The following FAXC variants were observed in gnomAD, a reference collection of about 807,000 sequenced individuals.
FAXC encodes the protein failed axon connections homolog, metaxin like GST domain containing.
FAXC carries 10 observed loss-of-function variants against 41.9 expected under a neutral mutation model. The observed-to-expected ratio is 0.24, with a 90% CI of 0.15 to 0.41. The LOEUF (loss-of-function observed/expected upper bound fraction) is 0.41. Among genes scored for constraint, FAXC ranks in the 10% least tolerant of loss-of-function variants. The pLI is 1.00. For synonymous variants in FAXC, 183 were observed against 183.8 expected (o/e 1.00, Z 0.03); for missense variants, 399 against 510.9 (o/e 0.78, Z 2.11).
At chr6:99,318,614 T>C (rs1241286983) in intron 4 of FAXC, among the ~76,000 whole-genome samples, 1 of 152,242 alleles carries the variant, frequency 6.6e-6, no homozygotes, top group Non-Finnish European at 1.5e-5. Flanking sequence ...AATGAAGTTG[T>C]GTTACATACA....
intron 2 of FAXC, among the ~76,000 whole-genome samples, chr6:99,341,156 CA>C (rs1773414148): frequency 6.6e-6 from 1 of 151,348 alleles, no homozygotes; most frequent in Non-Finnish European, 1.5e-5. Context: ...AGAGTAACTA[CA>C]ATAACAACAA....
chr6:99,279,464 T>G lies in FAXC; in HGVS notation c.*1700A>C, dbSNP rs1381482156. Reference sequence around the variant, plus strand: ...TGCAAATGCTATATTCAAAAAGAGGTTTTTTTTTTTTCAAGTAAAGTGCAT... The same window carrying G: ...TGCAAATGCTATATTCAAAAAGAGGGTTTTTTTTTTTCAAGTAAAGTGCAT... On this transcript the variant is annotated 3_prime_UTR_variant, in exon 6 of 6. Transcript: ENST00000389677. The G allele has an allele frequency of 2.7e-5, 2 of 75,436 alleles. No individual in the cohort carries two copies. The highest frequency in any genetic ancestry group is 4.2e-3 in the East Asian group (1 of 236). The allele number at this position is 75,436 out of a possible 1,614,324, so 4.7% of individuals were successfully genotyped here. A position where few individuals can be genotyped will look rare whatever the true frequency, so the allele number is the denominator to read the frequency against.
intron 5 of FAXC, among the ~76,000 whole-genome samples, chr6:99,285,724 A>T (rs1315147008): frequency 6.6e-6 from 1 of 152,248 alleles, no homozygotes; most frequent in Admixed American, 6.5e-5. Context: ...ACTTGAGAGG[A>T]TATTTATCAG....
chr6:99,325,706 C>G (rs938255359), intron 3 of FAXC, among the ~76,000 whole-genome samples: 30 of 152,152 alleles, frequency 2.0e-4, no homozygotes, highest in African/African-American at 6.5e-4. Flanking sequence ...CACTTTGACT[C>G]TAATTGTATT....
intron 4 of FAXC, among the ~76,000 whole-genome samples, chr6:99,294,801 G>A (rs1049337054): frequency 6.6e-6 from 1 of 152,046 alleles, no homozygotes; most frequent in African/African-American, 2.4e-5. Flanking sequence ...AGAACACACA[G>A]GACTTTGACA....
chr6:99,294,108 G>C (rs1183663878), intron 4 of FAXC, among the ~76,000 whole-genome samples: 1 of 152,112 alleles, frequency 6.6e-6, no homozygotes, highest in African/African-American at 2.4e-5. Context: ...TTCTGGCAAG[G>C]ACAATCAAGT....
intron 4 of FAXC, among the ~76,000 whole-genome samples, chr6:99,315,168 G>GACT (rs1772294148): frequency 7.0e-6 from 1 of 142,056 alleles, no homozygotes; most frequent in African/African-American, 2.6e-5. Flanking sequence ...GGGAGGCGGA[G>GACT]ACTACAGTGA....
intron 4 of FAXC, among the ~76,000 whole-genome samples, chr6:99,306,596 C>A (rs952469571): frequency 6.6e-6 from 1 of 152,006 alleles, no homozygotes; most frequent in Non-Finnish European, 1.5e-5. Context: ...AGGGTGGGGG[C>A]TGGAATCCTG....
In FAXC at chr6:99,278,896, T is replaced by A. The variant is rs1229179230; in HGVS notation, c.*2268A>T. The A allele has an allele frequency of 6.6e-6, 1 of 152,230 alleles. No homozygotes were observed. The highest frequency in any genetic ancestry group is 2.4e-5 in the African/African-American group (1 of 41,464). The allele number at this position is 152,230 out of a possible 1,614,324, so 9.4% of individuals were successfully genotyped here. On this transcript the variant is annotated 3_prime_UTR_variant, in exon 6 of 6. Coordinates refer to ENST00000389677, the MANE Select transcript of FAXC (RefSeq NM_032511.4). ...AATTAAAAACATATATTAATCTACA[T>A]TCTCATAACTTAATCATCCTTTGAG...
At chr6:99,332,013 A>AT (rs1231222499) in intron 3 of FAXC, among the ~76,000 whole-genome samples, 1 of 152,112 alleles carries the variant, frequency 6.6e-6, no homozygotes, top group Non-Finnish European at 1.5e-5. Context: ...ACTGAGTCTG[A>AT]TTACTTCCAC....
intron 2 of FAXC, among the ~76,000 whole-genome samples, chr6:99,338,785 A>G (rs1773310385): frequency 6.6e-6 from 1 of 152,214 alleles, no homozygotes; most frequent in Admixed American, 6.5e-5. Flanking sequence ...TAGATGCTGC[A>G]GACCTTGTTT....
At position 99,284,171 on chromosome 6, in the gene FAXC, G is replaced by A. The variant is rs182311657; in HGVS notation, c.941-2718C>T. On this transcript the variant is annotated intron_variant, in intron 5 of 5. Transcript: ENST00000389677. ...CACCTCCACTCAACTCTCTACTGAT[G>A]AGCTGACAGCATGGCCTGGGAATTA... 2.6e-5 allele frequency: 4 copies of A among 152,286 alleles called. No homozygotes were observed. In the East Asian group the frequency reaches 7.7e-4, roughly 29 times the overall value. The allele number at this position is 152,286 out of a possible 1,614,324, so 9.4% of individuals were successfully genotyped here. A position where few individuals can be genotyped will look rare whatever the true frequency, so the allele number is the denominator to read the frequency against.
rs753915818 is a variant in FAXC, at chr6:99,291,719, C to T, written c.925G>A (p.Glu309Lys). Residue 309 changes from glutamate (E) to lysine (K), a missense_variant, in exon 5 of 6, where the codon GAA becomes AAA. This residue lies in a region of FAXC where 239 missense variants were observed against 352.7 expected (regional missense o/e 0.68). Coordinates refer to ENST00000389677, the MANE Select transcript of FAXC (RefSeq NM_032511.4). ...TAGGGCTTGCCTTTGATCAGCCGTTCGGGTCTTGTCCCTGGTAAGGTCCAC... is the reference window on the plus strand; with the variant it reads ...TAGGGCTTGCCTTTGATCAGCCGTTTGGGTCTTGTCCCTGGTAAGGTCCAC... ...AMWTLPGTRP[E>K]RLIKGELINL... is the part of the protein sequence containing the mutation. 2 of 1,613,358 alleles carry T rather than the reference C, an allele frequency of 1.2e-6. No homozygotes were observed. Among genetic ancestry groups the T allele is most frequent in the Non-Finnish European group, 1.7e-6 (2 of 1,179,482 alleles).
chr6:99,291,813 C>A lies in FAXC; in HGVS notation c.831G>T (p.Lys277Asn), dbSNP rs1349000782. Reference protein sequence around the residue: ...MRSLAGLLGDKKYIMGPKLST... With the variant: ...MRSLAGLLGDNKYIMGPKLST... ...AAAGCTTGGGCCCCATGATGTACTT[C>A]TTATCACCTGCAGTAAATAAAGCAG... Residue 277 changes from lysine (K) to asparagine (N), a missense_variant, in exon 5 of 6, where the codon AAG becomes AAT. Physicochemically the swap from Lys to Asn is moderately conservative, Grantham distance 94. Coordinates refer to ENST00000389677, the MANE Select transcript of FAXC (RefSeq NM_032511.4). 6.2e-7 allele frequency: 1 copy of A among 1,613,116 alleles called. No individual in the cohort carries two copies. Among genetic ancestry groups the A allele is most frequent in the Admixed American group, 1.7e-5 (1 of 60,026 alleles).
intron 4 of FAXC, among the ~76,000 whole-genome samples, chr6:99,315,506 T>C (rs1772318962): frequency 6.6e-6 from 1 of 152,166 alleles, no homozygotes; most frequent in Non-Finnish European, 1.5e-5. Flanking sequence ...ACAAAAAGCC[T>C]GGCACACTGT....
intron 3 of FAXC, among the ~76,000 whole-genome samples, chr6:99,324,785 G>A (rs1454086781): frequency 6.6e-6 from 1 of 152,130 alleles, no homozygotes; most frequent in Non-Finnish European, 1.5e-5. Flanking sequence ...TGCGAGTACA[G>A]GCATAAGACA....
intron 4 of FAXC, among the ~76,000 whole-genome samples, chr6:99,320,645 C>G (rs79339683): frequency 9.3e-4 from 142 of 152,228 alleles, no homozygotes; most frequent in Admixed American, 1.3e-3. Context: ...AAGTATACAT[C>G]TTTTAGCATG....
chr6:99,315,264 C>CAAA (rs1772309486), intron 4 of FAXC, among the ~76,000 whole-genome samples: 1 of 11,616 alleles, frequency 8.6e-5, no homozygotes, highest in African/African-American at 4.2e-4. Context: ...AAAAAAAAAC[C>CAAA]AGTAAATGTC....
chr6:99,323,730 C>T (rs1772679492), intron 3 of FAXC, 63 bp from the exon 4 acceptor site: 2 of 1,286,742 alleles, frequency 1.6e-6, no homozygotes, highest in African/African-American at 1.5e-5. Flanking sequence ...CACAGGGTCA[C>T]TTTAGAATGA....
Sources: gnomAD v4.1 joint callset for allele counts (sites outside exome capture counted in the v4.1 genomes callset) on GRCh38, gnomAD v4.1.1 for gene constraint, gnomAD v4.1.1 regional missense constraint, MANE v1.5 for transcripts, NCBI Gene and HGNC (gene_info 2026-07-23, HGNC 2026-07-21) for gene names.